INPP4B: variants seen among roughly 807,000 people sequenced by gnomAD.
INPP4B encodes inositol polyphosphate 4-phosphatase type II.
A neutral mutation model predicts 122.5 loss-of-function variants in INPP4B; 55 were observed. The ratio of observed to expected loss-of-function variants is 0.45; its 90% CI spans 0.36 to 0.56. The LOEUF is 0.56. Among genes scored for constraint, INPP4B ranks in the 20% least tolerant of loss-of-function variants. The pLI, the probability that INPP4B is intolerant of heterozygous loss-of-function variation, is 0.00. For synonymous variants in INPP4B, 403 were observed against 388.7 expected (o/e 1.04, Z -0.43); for missense variants, 1,000 against 1,097.7 (o/e 0.91, Z 1.26).
chr4:142,748,319 T>TA (rs907747762), intron 1 of INPP4B, among the ~76,000 whole-genome samples: 2 of 151,628 alleles, frequency 1.3e-5, no homozygotes, highest in East Asian at 1.9e-4. Context: ...GTTTCTGACT[T>TA]AAAAAAATGA....
chr4:142,101,280 C>T lies in INPP4B; in HGVS notation c.2374+6813G>A, dbSNP rs182140168. ...GAAAGTGGATTGGTATTCAGATGTA[C>T]CCTTTTTTGTTTATGGAGCATTGCC... On this transcript the variant is annotated intron_variant, in intron 23 of 25. Transcript: ENST00000262992. Among the ~76,000 whole-genome samples, 78 of 152,152 alleles carry T rather than the reference C, an allele frequency of 5.1e-4. 1 individual carries two copies. Among genetic ancestry groups the T allele is most frequent in the Admixed American group, 5.0e-3 (76 of 15,250 alleles).
At chr4:142,454,181 A>T (rs1187367708) in intron 3 of INPP4B, among the ~76,000 whole-genome samples, 1 of 152,038 alleles carries the variant, frequency 6.6e-6, no homozygotes, top group African/African-American at 2.4e-5. Context: ...GATTGTTTTG[A>T]CCCTACGTGT....
At chr4:142,275,747 T>A (rs1031084858) in intron 9 of INPP4B, among the ~76,000 whole-genome samples, 2 of 151,960 alleles carry the variant, frequency 1.3e-5, no homozygotes, top group East Asian at 1.9e-4. Flanking sequence ...CAGTATTGTT[T>A]AATATTAATA....
At chr4:142,297,291 C>T (rs1018758411) in intron 9 of INPP4B, among the ~76,000 whole-genome samples, 1 of 152,188 alleles carries the variant, frequency 6.6e-6, no homozygotes, top group Non-Finnish European at 1.5e-5. Flanking sequence ...GCACGCCTTC[C>T]TTGGATAATA....
intron 7 of INPP4B, among the ~76,000 whole-genome samples, chr4:142,348,796 T>C (rs960988383): frequency 3.9e-5 from 6 of 151,958 alleles, no homozygotes; most frequent in Non-Finnish European, 8.8e-5. Flanking sequence ...ACCTTATCTG[T>C]CATAAGACTC....
chr4:142,622,448 T>C (rs1430892299), intron 2 of INPP4B, among the ~76,000 whole-genome samples: 2 of 151,880 alleles, frequency 1.3e-5, no homozygotes, highest in East Asian at 1.9e-4. Context: ...CAATAGGGAA[T>C]TGGGCAGATA....
chr4:142,151,318 C>T (rs1450769439), intron 17 of INPP4B, among the ~76,000 whole-genome samples: 2 of 152,160 alleles, frequency 1.3e-5, no homozygotes, highest in Admixed American at 1.3e-4. Context: ...CACATCAACA[C>T]ACACACACAT....
chr4:142,113,475 T>C (rs1791301783), intron 21 of INPP4B, among the ~76,000 whole-genome samples: 3 of 152,002 alleles, frequency 2.0e-5, no homozygotes, highest in Non-Finnish European at 4.4e-5. Context: ...GAAATAAGCA[T>C]AGGGCAAATA....
chr4:142,067,381 G>C (rs995386865), intron 25 of INPP4B, among the ~76,000 whole-genome samples: 3 of 152,154 alleles, frequency 2.0e-5, no homozygotes, highest in Admixed American at 2.0e-4. Flanking sequence ...ATAAACCAGA[G>C]CAGAAAAGCT....
At position 142,145,718 on chromosome 4, in the gene INPP4B, G is replaced by C. The variant is rs142573945; in HGVS notation, c.1720+122C>G. ...TCATCCAAGCCAGAGCAGTGGAAAA[G>C]CATGCTATCAGCACTCTCATCAAAG... is the stretch of plus-strand genomic sequence containing the variant. On this transcript the variant is annotated intron_variant, in intron 18 of 25. Coordinates refer to ENST00000262992, the MANE Select transcript of INPP4B (RefSeq NM_001101669.3). The C allele has an allele frequency of 1.9e-5, 17 of 911,112 alleles. No individual in the cohort carries two copies. In the African/African-American group the frequency reaches 2.2e-4, roughly 12 times the overall value. 56.4% of individuals were successfully genotyped at this position (911,112 alleles called of 1,614,324 possible).
intron 7 of INPP4B, among the ~76,000 whole-genome samples, chr4:142,375,634 C>T (rs1252030590): frequency 2.0e-5 from 3 of 151,876 alleles, no homozygotes; most frequent in African/African-American, 7.2e-5. Flanking sequence ...GAGAGGTGTA[C>T]TTTCTTGAAT....
intron 25 of INPP4B, among the ~76,000 whole-genome samples, chr4:142,031,941 A>C (rs1740479347): frequency 6.6e-6 from 1 of 152,192 alleles, no homozygotes; most frequent in African/African-American, 2.4e-5. Flanking sequence ...GACGAGCAGG[A>C]ATAGAAAAAT....
At chr4:142,809,139 G>A (rs2151116221) in intron 1 of INPP4B, among the ~76,000 whole-genome samples, 1 of 152,076 alleles carries the variant, frequency 6.6e-6, no homozygotes, top group East Asian at 1.9e-4. Context: ...AAATTTTAAT[G>A]TTAAAAAAGC....
At chr4:142,193,600 C>T (rs919884335) in intron 14 of INPP4B, among the ~76,000 whole-genome samples, 5 of 151,936 alleles carry the variant, frequency 3.3e-5, no homozygotes, top group Admixed American at 6.6e-5. Flanking sequence ...CCAAATTTTA[C>T]ATAGAAAAAA....
At chr4:142,336,123 C>A (rs2646094) in intron 7 of INPP4B, among the ~76,000 whole-genome samples, 1 of 152,118 alleles carries the variant, frequency 6.6e-6, no homozygotes, top group Non-Finnish European at 1.5e-5. Flanking sequence ...TACCCACTCT[C>A]GGGTTCCCTC....
chr4:142,398,424 ATATATATATATATATATATAT>A (rs1800365677), intron 7 of INPP4B, among the ~76,000 whole-genome samples: 3 of 112,604 alleles, frequency 2.7e-5, no homozygotes, highest in Non-Finnish European at 5.5e-5. Flanking sequence ...ATATATATAT[ATATATATATATATATATATAT>A]AAAACATATT....
chr4:142,594,653 G>GTTTA (rs1472383178), intron 2 of INPP4B, among the ~76,000 whole-genome samples: 1 of 151,998 alleles, frequency 6.6e-6, no homozygotes, highest in African/African-American at 2.4e-5. Context: ...AATTCTGGAG[G>GTTTA]ACAATAAAAG....
intron 25 of INPP4B, among the ~76,000 whole-genome samples, chr4:142,079,382 T>C (rs552659758): frequency 6.6e-6 from 1 of 152,112 alleles, no homozygotes; most frequent in East Asian, 1.9e-4. Context: ...TAAAAACCAC[T>C]GTCTGAAGGG....
intron 2 of INPP4B, among the ~76,000 whole-genome samples, chr4:142,505,735 T>C (rs550317683): frequency 6.6e-6 from 1 of 152,292 alleles, no homozygotes; most frequent in Admixed American, 6.5e-5. Context: ...GCATAAGTGA[T>C]TGGAAACCAT....
Sources: allele counts gnomAD v4.1 joint callset (sites outside exome capture counted in the v4.1 genomes callset), GRCh38; gene constraint gnomAD v4.1.1; transcripts MANE v1.5; gene names NCBI Gene and HGNC (gene_info 2026-07-23, HGNC 2026-07-21).